Variants in BANK1 observed in about 807,000 individuals in gnomAD.
BANK1 encodes the protein B cell scaffold protein with ankyrin repeats 1, also known as B-cell scaffold protein with ankyrin repeats.
Under a neutral mutation model 94.5 loss-of-function variants are expected in BANK1, and 95 were observed. That is an observed-to-expected ratio of 1.00 (90% CI 0.85 to 1.19). BANK1 has a LOEUF of 1.19. Ranked by LOEUF, BANK1 falls within the 50% of genes most tolerant of loss-of-function variation. The pLI is 0.00. For missense variants in BANK1, 987 were observed against 932.2 expected, an observed-to-expected ratio of 1.06 and a Z score of -0.77; for synonymous variants, 334 against 308.4, an observed-to-expected ratio of 1.08 and a Z score of -0.87.
chr4:101,881,223 T>G (rs956033737), intron 5 of BANK1, among the ~76,000 whole-genome samples: 1 of 151,246 alleles, frequency 6.6e-6, no homozygotes, highest in Admixed American at 6.6e-5. Context: ...AACAACCCTA[T>G]GGAAAAAAAA....
At chr4:101,894,374 G>A (rs965817422) in intron 5 of BANK1, among the ~76,000 whole-genome samples, 12 of 151,966 alleles carry the variant, frequency 7.9e-5, no homozygotes, top group Admixed American at 2.6e-4. Context: ...TCACTTCTTA[G>A]CACGACTTTC....
chr4:102,003,899 G>GTGTATATATGTATGTATACATATATGTA (rs1726160031), intron 7 of BANK1, among the ~76,000 whole-genome samples: 2 of 150,262 alleles, frequency 1.3e-5, no homozygotes, highest in African/African-American at 2.5e-5. Flanking sequence ...ACATATATGT[G>GTGTATATATGTATGTATACATATATGTA]TGTATATATG....
At chr4:101,985,813 T>C (rs1243016504) in intron 7 of BANK1, among the ~76,000 whole-genome samples, 1 of 152,154 alleles carries the variant, frequency 6.6e-6, no homozygotes, top group African/African-American at 2.4e-5. Flanking sequence ...CTGACATTAA[T>C]TATAAATAAC....
intron 1 of BANK1, among the ~76,000 whole-genome samples, chr4:101,793,577 A>T (rs1725063173): frequency 6.6e-6 from 1 of 152,198 alleles, no homozygotes; most frequent in Admixed American, 6.5e-5. Flanking sequence ...GATGTATTGT[A>T]GGTGGTTATG....
intron 5 of BANK1, among the ~76,000 whole-genome samples, chr4:101,879,499 C>T (rs1263053399): frequency 6.6e-6 from 1 of 151,990 alleles, no homozygotes; most frequent in Non-Finnish European, 1.5e-5. Flanking sequence ...GGCTTCACAG[C>T]TGAATTATAG....
At chr4:102,041,077 TGTAC>T (rs1188271797) in intron 10 of BANK1, among the ~76,000 whole-genome samples, 1 of 152,066 alleles carries the variant, frequency 6.6e-6, no homozygotes, top group Non-Finnish European at 1.5e-5. Flanking sequence ...TACAAAATAA[TGTAC>T]TTTTGTATAT....
intron 5 of BANK1, among the ~76,000 whole-genome samples, chr4:101,884,087 A>G (rs1032613750): frequency 3.3e-5 from 5 of 152,244 alleles, no homozygotes; most frequent in African/African-American, 9.6e-5. Flanking sequence ...ATGCTTTTAC[A>G]GTAAACCAAA....
intron 7 of BANK1, among the ~76,000 whole-genome samples, chr4:101,927,467 G>A (rs1013408572): frequency 5.3e-5 from 8 of 151,582 alleles, no homozygotes; most frequent in African/African-American, 1.9e-4. Context: ...CAACTATATT[G>A]ATCACAGACC....
chr4:101,838,675 A>G (rs948040472), intron 2 of BANK1, among the ~76,000 whole-genome samples: 2 of 152,198 alleles, frequency 1.3e-5, no homozygotes, highest in African/African-American at 4.8e-5. Context: ...TGGTATCCTG[A>G]AGTCTACCTG....
At chr4:101,974,052 G>A (rs2148924302) in intron 7 of BANK1, among the ~76,000 whole-genome samples, 1 of 152,070 alleles carries the variant, frequency 6.6e-6, no homozygotes, top group East Asian at 1.9e-4. Flanking sequence ...GGCGTAGGGT[G>A]GGTGTTCAGT....
At chr4:102,045,343 G>A (rs1208002942) in intron 11 of BANK1, among the ~76,000 whole-genome samples, 1 of 152,074 alleles carries the variant, frequency 6.6e-6, no homozygotes, top group Non-Finnish European at 1.5e-5. Context: ...CATACTGAAT[G>A]GGCAAAAACT....
chr4:102,002,336 T>C (rs1422933742), intron 7 of BANK1, among the ~76,000 whole-genome samples: 1 of 151,868 alleles, frequency 6.6e-6, no homozygotes, highest in Admixed American at 6.6e-5. Flanking sequence ...TTACTTAATC[T>C]CTTTGTAAGT....
chr4:101,940,429 A>G (rs1578410567), intron 7 of BANK1, among the ~76,000 whole-genome samples: 1 of 151,844 alleles, frequency 6.6e-6, no homozygotes, highest in South Asian at 2.1e-4. Context: ...CAATTAATGA[A>G]CCAATATTGA....
intron 6 of BANK1, among the ~76,000 whole-genome samples, chr4:101,910,265 A>C (rs1052935400): frequency 1.3e-5 from 2 of 152,230 alleles, no homozygotes; most frequent in East Asian, 3.8e-4. Context: ...TGAATCACCA[A>C]TGAGAACCAC....
chr4:101,852,495 TATATATATAC>T (rs1433350809), intron 2 of BANK1, among the ~76,000 whole-genome samples: 8 of 112,636 alleles, frequency 7.1e-5, no homozygotes, highest in South Asian at 2.6e-4. Flanking sequence ...TATATATATA[TATATATATAC>T]ACACACACAT....
chr4:101,885,168 C>T (rs1728808661), intron 5 of BANK1, among the ~76,000 whole-genome samples: 3 of 152,358 alleles, frequency 2.0e-5, no homozygotes, highest in Admixed American at 6.5e-5. Context: ...CCACCGACCT[C>T]GGCTTCCCAA....
chr4:101,817,887 T>A (rs940222633), intron 1 of BANK1, among the ~76,000 whole-genome samples: 3 of 151,990 alleles, frequency 2.0e-5, no homozygotes, highest in African/African-American at 7.3e-5. Context: ...GTATTTTATA[T>A]GTGGCCCGAG....
At chr4:101,940,380 C>G (rs1049028754) in intron 7 of BANK1, among the ~76,000 whole-genome samples, 1 of 151,534 alleles carries the variant, frequency 6.6e-6, no homozygotes, top group African/African-American at 2.4e-5. Flanking sequence ...TATGTTTTTT[C>G]TGTTGTTAAC....
intron 13 of BANK1, 33 bp downstream of exon 13, chr4:102,063,171 TAG>T (rs772779545): frequency 6.4e-7 from 1 of 1,569,468 alleles, no homozygotes; most frequent in East Asian, 2.2e-5. Context: ...TCAAAAATAA[TAG>T]AGTGATTACG....
Sources: gnomAD v4.1 joint callset for allele counts (sites outside exome capture counted in the v4.1 genomes callset) on GRCh38, gnomAD v4.1.1 for gene constraint, MANE v1.5 for transcripts, NCBI Gene and HGNC (gene_info 2026-07-23, HGNC 2026-07-21) for gene names.